The following PCBP3 variants were observed in gnomAD, a reference collection of about 807,000 sequenced individuals.
PCBP3 encodes the protein poly(rC) binding protein 3.
Under a neutral mutation model 52.7 loss-of-function variants are expected in PCBP3, and 25 were observed. That is an observed-to-expected ratio of 0.47 (90% CI 0.35 to 0.66). The LOEUF is 0.66. Ranked by LOEUF, PCBP3 falls within the 30% of genes least tolerant of loss-of-function variation. PCBP3 has a pLI of 0.01. For synonymous variants in PCBP3, 162 were observed against 183.0 expected, an observed-to-expected ratio of 0.89 and a Z score of 0.93; for missense variants, 391 against 490.3, an observed-to-expected ratio of 0.80 and a Z score of 1.91.
At chr21:45,876,042 C>T (rs1198732953) in intron 5 of PCBP3, among the ~76,000 whole-genome samples, 1 of 152,146 alleles carries the variant, frequency 6.6e-6, no homozygotes, top group African/African-American at 2.4e-5. Flanking sequence ...TTTTCATGGG[C>T]CAGTAGGATG....
intron 7 of PCBP3, 45 bp from the exon 8 acceptor site, chr21:45,900,534 CGCCGTCCTCAGA>C: frequency 7.0e-7 from 1 of 1,423,542 alleles, no homozygotes; most frequent in Non-Finnish European, 9.9e-7. Context: ...CCATGGGCCG[CGCCGTCCTCAGA>C]GCCAGAGGGA....
At position 45,928,471 on chromosome 21, in the gene PCBP3, G is replaced by T. The variant is rs1380978921; in HGVS notation, c.718-1446G>T. Among the ~76,000 whole-genome samples the T allele has an allele frequency of 2.0e-5, 3 of 152,200 alleles. No homozygotes were observed. The highest frequency in any genetic ancestry group is 2.0e-4 in the Admixed American group (3 of 15,290). On this transcript the variant is annotated intron_variant, in intron 13 of 17. Transcript: ENST00000681687. This position sits in a 1 kb window ranked among gnomAD's most constrained non-coding sequence, Gnocchi z 4.1. The stretch of plus-strand genomic sequence containing the variant: ...CTTGACTCTGGGTGAACTCTTAGGG[G>T]AGGGCTCCCAGCTCCTGAGAGGCCA...
At chr21:45,685,085 C>G (rs892225626) in intron 2 of PCBP3, among the ~76,000 whole-genome samples, 1 of 152,116 alleles carries the variant, frequency 6.6e-6, no homozygotes, top group Non-Finnish European at 1.5e-5. Flanking sequence ...ACATTAGATG[C>G]AAAGACCAAA....
chr21:45,769,452 G>A (rs1035586584), intron 4 of PCBP3, among the ~76,000 whole-genome samples: 8 of 152,378 alleles, frequency 5.3e-5, no homozygotes, highest in Admixed American at 2.6e-4. Context: ...TCGCCTGTGC[G>A]TGCAGCTGGA....
chr21:45,906,595 G>T (rs76218908), intron 9 of PCBP3, among the ~76,000 whole-genome samples: 2,490 of 152,268 alleles, frequency 0.016, 34 homozygotes, highest in Middle Eastern at 0.082. Context: ...CATTTTGCCT[G>T]TGTTAGTGGG....
intron 5 of PCBP3, among the ~76,000 whole-genome samples, chr21:45,886,126 A>G (rs75340950): frequency 0.012 from 686 of 58,764 alleles, 14 homozygotes; most frequent in East Asian, 0.028. Context: ...TGCCGCTGGT[A>G]CCAAGGACAG....
At chr21:45,911,189 G>A (rs1051336962) in intron 11 of PCBP3, 159 bp downstream of exon 11, 1 of 799,148 alleles carries the variant, frequency 1.3e-6, no homozygotes, top group Non-Finnish European at 2.1e-6. Flanking sequence ...AGCGGTGCCG[G>A]TATGGGCGCC....
intron 4 of PCBP3, among the ~76,000 whole-genome samples, chr21:45,771,599 T>A (rs533166791): frequency 2.6e-5 from 4 of 152,180 alleles, no homozygotes; most frequent in Non-Finnish European, 4.4e-5. Flanking sequence ...AAACTGACAA[T>A]AGAAGGAATC....
At chr21:45,654,513 G>C (rs1253014476) in intron 1 of PCBP3, among the ~76,000 whole-genome samples, 1 of 151,876 alleles carries the variant, frequency 6.6e-6, no homozygotes, top group Non-Finnish European at 1.5e-5. Context: ...GCTAATTTTT[G>C]TATTTTTAGT....
At chr21:45,852,891 C>A (rs571394119) in intron 5 of PCBP3, among the ~76,000 whole-genome samples, 1 of 152,212 alleles carries the variant, frequency 6.6e-6, no homozygotes, top group South Asian at 2.1e-4. Context: ...AATACAGTAA[C>A]TTTTATAGAA....
chr21:45,792,171 A>G (rs1382313083), intron 4 of PCBP3, among the ~76,000 whole-genome samples: 1 of 152,270 alleles, frequency 6.6e-6, no homozygotes, highest in Non-Finnish European at 1.5e-5. Context: ...AATCTTACCA[A>G]CTAGAACTTT....
At chr21:45,911,087 C>T (rs1412569443) in intron 11 of PCBP3, 57 bp downstream of exon 11, 1 of 1,590,276 alleles carries the variant, frequency 6.3e-7, no homozygotes, top group Non-Finnish European at 8.5e-7. Flanking sequence ...CCTCCCAGCA[C>T]TGCAGGCAAA....
At position 45,895,040 on chromosome 21, in the gene PCBP3, C is replaced by T. The variant is rs183992243; in HGVS notation, c.11-1168C>T. On this transcript the variant is annotated intron_variant, in intron 5 of 17. Transcript: ENST00000681687. ...AGCACAGGTGTAGACAGCGTAAGCGCGGGTGTAGACAGCGTGTCACTTTGT... is the reference window on the plus strand; with the variant it reads ...AGCACAGGTGTAGACAGCGTAAGCGTGGGTGTAGACAGCGTGTCACTTTGT... 4.2e-4 allele frequency among the ~76,000 whole-genome samples: 64 copies of T among 152,278 alleles called. 1 individual carries two copies. The East Asian group carries it at 0.01, about 25-fold the overall frequency.
intron 2 of PCBP3, among the ~76,000 whole-genome samples, chr21:45,685,027 AT>A (rs2082072152): frequency 6.6e-6 from 1 of 152,206 alleles, no homozygotes; most frequent in Non-Finnish European, 1.5e-5. Context: ...TGTCTACCAT[AT>A]CAGCTTGTTG....
intron 4 of PCBP3, among the ~76,000 whole-genome samples, chr21:45,759,634 T>A (rs186572311): frequency 2.6e-5 from 4 of 152,290 alleles, no homozygotes; most frequent in African/African-American, 9.6e-5. Context: ...AAGAGAAGAT[T>A]TCAGACATGG....
chr21:45,933,184 T>C (rs149332655), intron 15 of PCBP3, among the ~76,000 whole-genome samples: 3 of 149,854 alleles, frequency 2.0e-5, no homozygotes, highest in Admixed American at 6.6e-5. Context: ...TGTCTTGAGA[T>C]GAATGAACAC....
rs7283779 is a variant in PCBP3, at chr21:45,824,951, G to A, written c.-125-25010G>A. On this transcript the variant is annotated intron_variant, in intron 4 of 17. Transcript: ENST00000681687. Reference sequence around the variant, plus strand: ...TGTGAGTTTATGGCTTAAAGTCCAAGTACAACTTCGTTTGAAAGAAATGCC... The same window carrying A: ...TGTGAGTTTATGGCTTAAAGTCCAAATACAACTTCGTTTGAAAGAAATGCC... Among the ~76,000 whole-genome samples the A allele has an allele frequency of 2.3e-3, 355 of 152,368 alleles. 5 individuals carry two copies. The highest frequency in any genetic ancestry group is 7.9e-3 in the African/African-American group (330 of 41,584).
intron 4 of PCBP3, among the ~76,000 whole-genome samples, chr21:45,849,162 T>G (rs1425382289): frequency 6.6e-6 from 1 of 152,158 alleles, no homozygotes; most frequent in Admixed American, 6.5e-5. Context: ...CTTTCCATCC[T>G]TCCTTCCCTT....
At chr21:45,906,424 G>A (rs1269188050) in intron 9 of PCBP3, among the ~76,000 whole-genome samples, 2 of 152,034 alleles carry the variant, frequency 1.3e-5, no homozygotes, top group Non-Finnish European at 2.9e-5. Flanking sequence ...GGCCGGGGAG[G>A]CCTTTGGATA....
Sources: allele counts gnomAD v4.1 joint callset (sites outside exome capture counted in the v4.1 genomes callset), GRCh38; gene constraint gnomAD v4.1.1; non-coding constraint Gnocchi (gnomAD v3.1); transcripts MANE v1.5; gene names NCBI Gene and HGNC (gene_info 2026-07-23, HGNC 2026-07-21).